FILIP1: variants seen among roughly 807,000 people sequenced by gnomAD.
FILIP1 encodes filamin A interacting protein 1, also known as filamin-A-interacting protein 1.
FILIP1 carries 61 observed loss-of-function variants against 102.1 expected under a neutral mutation model. That is an observed-to-expected ratio of 0.60 (90% CI 0.49 to 0.74). The LOEUF is 0.74. FILIP1 is among the 30% of genes least tolerant of loss of function. FILIP1 has a pLI of 0.00. For missense variants in FILIP1, 1,314 were observed against 1,441.2 expected, an observed-to-expected ratio of 0.91 and a Z score of 1.43; for synonymous variants, 491 against 526.9, an observed-to-expected ratio of 0.93 and a Z score of 0.93.
intron 1 of FILIP1, among the ~76,000 whole-genome samples, chr6:75,433,722 A>C (rs1004505702): frequency 6.6e-6 from 1 of 152,008 alleles, no homozygotes; most frequent in Non-Finnish European, 1.5e-5. Flanking sequence ...TTTGGCTTTT[A>C]TTGCCATTGC....
At chr6:75,481,232 G>C (rs1475495077) in intron 1 of FILIP1, among the ~76,000 whole-genome samples, 1 of 152,142 alleles carries the variant, frequency 6.6e-6, no homozygotes, top group African/African-American at 2.4e-5. Flanking sequence ...TCCTGTTAGA[G>C]AGCAGAGATA....
intron 6 of FILIP1, among the ~76,000 whole-genome samples, chr6:75,302,626 G>T (rs189597766): frequency 6.6e-6 from 1 of 152,260 alleles, no homozygotes; most frequent in African/African-American, 2.4e-5. Context: ...TCAAGGAAGG[G>T]TGGCATGGCC....
intron 1 of FILIP1, among the ~76,000 whole-genome samples, chr6:75,428,193 C>A (rs576108229): frequency 2.0e-5 from 3 of 152,122 alleles, no homozygotes; most frequent in Admixed American, 6.6e-5. Context: ...TCCAATATTA[C>A]TTTCTTGGAA....
At chr6:75,342,962 C>G (rs1281598644) in intron 4 of FILIP1, among the ~76,000 whole-genome samples, 5 of 152,182 alleles carry the variant, frequency 3.3e-5, no homozygotes, top group Non-Finnish European at 7.4e-5. Context: ...TTCTCTTCGA[C>G]AAAGACTAAA....
At chr6:75,315,232 A>C in intron 4 of FILIP1, 30 bp from the exon 5 acceptor site, 2 of 1,388,942 alleles carry the variant, frequency 1.4e-6, no homozygotes, top group Non-Finnish European at 1.9e-6. Context: ...TATATGTTAA[A>C]AGAGTAATCA....
intron 2 of FILIP1, among the ~76,000 whole-genome samples, chr6:75,403,524 A>AAAAAAAAAAAAAAAAAAAAG (rs55907855): frequency 1.5e-5 from 2 of 134,722 alleles, no homozygotes; most frequent in African/African-American, 2.8e-5. Context: ...CAAAAAAAAA[A>AAAAAAAAAAAAAAAAAAAAG]AAAAAAGAAA....
At chr6:75,433,737 G>T (rs1187167279) in intron 1 of FILIP1, among the ~76,000 whole-genome samples, 1 of 152,098 alleles carries the variant, frequency 6.6e-6, no homozygotes, top group African/African-American at 2.4e-5. Flanking sequence ...CATTGCTTTT[G>T]GTGTTTTGGT....
At chr6:75,409,680 G>T (rs1347897698) in intron 2 of FILIP1, among the ~76,000 whole-genome samples, 1 of 152,016 alleles carries the variant, frequency 6.6e-6, no homozygotes. Flanking sequence ...GAACCATGTG[G>T]CCAGAGATCA....
chr6:75,358,703 TTTA>T (rs1315984623), intron 3 of FILIP1: 51 of 150,698 alleles, frequency 3.4e-4, no homozygotes, highest in African/African-American at 1.2e-3. Flanking sequence ...TATTTATTTA[TTTA>T]TTTAATTTTT....
chr6:75,355,391 ATTTT>A (rs397885759), intron 3 of FILIP1, among the ~76,000 whole-genome samples: 3 of 131,346 alleles, frequency 2.3e-5, no homozygotes, highest in African/African-American at 2.9e-5. Context: ...AGGTTATAAG[ATTTT>A]TTTTTTTTTT....
chr6:75,414,763 CTTAGTT>C lies in FILIP1; in HGVS notation c.204_209del (p.Thr69_Lys70del). The C allele has an allele frequency of 6.2e-7, 1 of 1,613,866 alleles. No homozygotes were observed. Among genetic ancestry groups the C allele is most frequent in the Non-Finnish European group, 8.5e-7 (1 of 1,179,802 alleles). ...CTTCTTTGGATAACTCCAGGGATTT[CTTAGTT>C]TTTCGTTCACATTCTCCAGATGTTT... On this transcript the variant is annotated inframe_deletion, in exon 2 of 6. Coordinates refer to ENST00000237172, the MANE Select transcript of FILIP1 (RefSeq NM_015687.5).
At position 75,308,504 on chromosome 6, in the gene FILIP1, A is replaced by G. The variant is rs2149540188; in HGVS notation, c.*187T>C. On this transcript the variant is annotated 3_prime_UTR_variant, in exon 6 of 6. Coordinates refer to ENST00000237172, the MANE Select transcript of FILIP1 (RefSeq NM_015687.5). ...CTAGGCAGCAAGCAATAGTTTTGCT[A>G]ATTTTGTTCCCCAGCATCAAAACAA... 1 of 1,422,484 alleles carries G rather than the reference A, an allele frequency of 7.0e-7. No homozygotes were observed. The highest frequency in any genetic ancestry group is 9.2e-7 in the Non-Finnish European group (1 of 1,092,060). 88.1% of individuals were successfully genotyped at this position (1,422,484 alleles called of 1,614,324 possible).
At chr6:75,351,627 A>T (rs1774810960) in intron 4 of FILIP1, among the ~76,000 whole-genome samples, 2 of 152,238 alleles carry the variant, frequency 1.3e-5, no homozygotes, top group African/African-American at 4.8e-5. Context: ...TCAGTAGAGT[A>T]ACATGCTGTA....
intron 1 of FILIP1, among the ~76,000 whole-genome samples, chr6:75,439,306 C>T (rs952892079): frequency 6.6e-6 from 1 of 151,730 alleles, no homozygotes; most frequent in South Asian, 2.1e-4. Flanking sequence ...GCAGAGGTTG[C>T]GGTGAGCCGA....
chr6:75,412,834 T>C (rs1168689433), intron 2 of FILIP1, among the ~76,000 whole-genome samples: 2 of 152,210 alleles, frequency 1.3e-5, no homozygotes, highest in African/African-American at 2.4e-5. Flanking sequence ...ACCAGGGAAT[T>C]CCTTAAAATA....
intron 1 of FILIP1, among the ~76,000 whole-genome samples, chr6:75,491,521 G>A (rs1779956845): frequency 1.3e-5 from 2 of 152,166 alleles, no homozygotes; most frequent in South Asian, 4.1e-4. Context: ...TGGCAACAAG[G>A]GGTAGGAGGG....
intron 1 of FILIP1, chr6:75,454,927 T>C (rs996497291): frequency 6.6e-6 from 1 of 152,180 alleles, no homozygotes; most frequent in Non-Finnish European, 1.5e-5. Flanking sequence ...AGAAGAGCCG[T>C]GCATTACCTC....
At chr6:75,426,223 T>C (rs754013859) in intron 1 of FILIP1, among the ~76,000 whole-genome samples, 3 of 151,930 alleles carry the variant, frequency 2.0e-5, no homozygotes, top group Non-Finnish European at 2.9e-5. Flanking sequence ...TGGTTTACAG[T>C]AATTAGAAAA....
Position 75,353,536 on chromosome 6 carries a change from T to C in FILIP1, c.629+3A>G. ...TGTGACTGGTGGTGTGTGTGCACATTACCTCTCCCGCTCCTGCTCCAGCAG... is the reference window on the plus strand; with the variant it reads ...TGTGACTGGTGGTGTGTGTGCACATCACCTCTCCCGCTCCTGCTCCAGCAG... On this transcript the variant is annotated splice_donor_region_variant and intron_variant, in intron 4 of 5. Coordinates refer to ENST00000237172, the MANE Select transcript of FILIP1 (RefSeq NM_015687.5). 1 of 1,614,100 alleles carries C rather than the reference T, an allele frequency of 6.2e-7. No individual in the cohort carries two copies. Among genetic ancestry groups the C allele is most frequent in the African/African-American group, 1.3e-5 (1 of 75,056 alleles).
Sources: allele counts gnomAD v4.1 joint callset (sites outside exome capture counted in the v4.1 genomes callset), GRCh38; gene constraint gnomAD v4.1.1; transcripts MANE v1.5; gene names NCBI Gene and HGNC (gene_info 2026-07-23, HGNC 2026-07-21).